PTPRD: variants seen among roughly 807,000 people sequenced by gnomAD.
The protein encoded by PTPRD is protein tyrosine phosphatase receptor type D.
PTPRD carries 34 observed loss-of-function variants against 214.5 expected under a neutral mutation model. The ratio of observed to expected loss-of-function variants is 0.16; its 90% CI spans 0.12 to 0.21. The LOEUF is 0.21. Ranked by LOEUF, PTPRD falls within the 10% of genes least tolerant of loss-of-function variation. The pLI is 1.00. For missense variants in PTPRD, 2,545 were observed against 2,398.7 expected, an observed-to-expected ratio of 1.06 and a Z score of -1.27; for synonymous variants, 1,128 against 845.7, an observed-to-expected ratio of 1.33 and a Z score of -5.79.
At chr9:9,034,778 A>G (rs548489564) in intron 10 of PTPRD, among the ~76,000 whole-genome samples, 1 of 152,194 alleles carries the variant, frequency 6.6e-6, no homozygotes, top group East Asian at 1.9e-4. Context: ...AATAACACCT[A>G]CCTCACAGGG....
intron 9 of PTPRD, among the ~76,000 whole-genome samples, chr9:9,199,545 G>A (rs1457525819): frequency 6.6e-6 from 1 of 152,012 alleles, no homozygotes; most frequent in Non-Finnish European, 1.5e-5. Context: ...TAAATGGTGA[G>A]AACTGATAAA....
chr9:9,819,758 T>C (rs954356053), intron 5 of PTPRD, among the ~76,000 whole-genome samples: 6 of 152,170 alleles, frequency 3.9e-5, no homozygotes, highest in Admixed American at 6.5e-5. Flanking sequence ...AGTGAGAACA[T>C]GTTCCTGCAC....
chr9:9,236,456 C>G (rs2099966797), intron 9 of PTPRD, among the ~76,000 whole-genome samples: 1 of 151,772 alleles, frequency 6.6e-6, no homozygotes, highest in Non-Finnish European at 1.5e-5. Context: ...CAAATCCACC[C>G]ATAAATTCTC....
At chr9:8,559,348 A>T (rs2085252106) in intron 14 of PTPRD, among the ~76,000 whole-genome samples, 1 of 152,196 alleles carries the variant, frequency 6.6e-6, no homozygotes, top group Non-Finnish European at 1.5e-5. Flanking sequence ...CAGATATCGA[A>T]ATATCACATA....
At chr9:10,483,780 T>C (rs1280606682) in intron 2 of PTPRD, among the ~76,000 whole-genome samples, 2 of 152,088 alleles carry the variant, frequency 1.3e-5, no homozygotes, top group African/African-American at 4.8e-5. Flanking sequence ...AAACAATAGA[T>C]GTTGGCACGG....
At chr9:10,184,917 T>C (rs1212261817) in intron 3 of PTPRD, among the ~76,000 whole-genome samples, 1 of 152,128 alleles carries the variant, frequency 6.6e-6, no homozygotes, top group African/African-American at 2.4e-5. Context: ...GCAGGAAGAC[T>C]TAAAGCACAT....
chr9:8,637,012 G>A (rs942891677), intron 12 of PTPRD, among the ~76,000 whole-genome samples, 168 bp from the exon 13 acceptor site: 3 of 152,106 alleles, frequency 2.0e-5, no homozygotes, highest in African/African-American at 7.2e-5. Flanking sequence ...ACTTTTGAGG[G>A]TAGTTTAAAG....
At chr9:10,557,019 T>C (rs1359666615) in intron 2 of PTPRD, among the ~76,000 whole-genome samples, 3 of 152,138 alleles carry the variant, frequency 2.0e-5, no homozygotes, top group Non-Finnish European at 2.9e-5. Flanking sequence ...TGTATGGTTA[T>C]ATTACTTATG....
intron 5 of PTPRD, among the ~76,000 whole-genome samples, chr9:9,783,214 A>G (rs2098874419): frequency 6.6e-6 from 1 of 152,168 alleles, no homozygotes; most frequent in Non-Finnish European, 1.5e-5. Context: ...GCTATCCTCA[A>G]ATGATTTTCC....
intron 2 of PTPRD, among the ~76,000 whole-genome samples, chr9:10,581,693 T>A (rs1487101675): frequency 6.6e-6 from 1 of 152,180 alleles, no homozygotes; most frequent in South Asian, 2.1e-4. Flanking sequence ...GCTGTGTTAA[T>A]TGGGTAAATC....
intron 14 of PTPRD, among the ~76,000 whole-genome samples, chr9:8,617,725 GTAGA>G (rs1473900376): frequency 6.6e-6 from 1 of 152,058 alleles, no homozygotes; most frequent in Non-Finnish European, 1.5e-5. Flanking sequence ...AAACTCTTGA[GTAGA>G]TAAACTTTCT....
At chr9:9,254,997 T>C (rs571401210) in intron 9 of PTPRD, among the ~76,000 whole-genome samples, 2 of 152,062 alleles carry the variant, frequency 1.3e-5, no homozygotes, top group East Asian at 3.9e-4. Context: ...TCTTTCATCA[T>C]TATGCTTCTA....
rs779854406 is a variant in PTPRD, at chr9:8,518,016, G to C, written c.1375C>G (p.Pro459Ala). 1 of 1,614,180 alleles carries C rather than the reference G, an allele frequency of 6.2e-7. No homozygotes were observed. The highest frequency in any genetic ancestry group is 1.1e-5 in the South Asian group (1 of 91,080). ...QGYRVYYTMD[P>A]TQHVNNWMKH... Reference sequence around the variant, plus strand: ...ATCCAGTTGTTGACATGTTGAGTGGGATCCATTGTATAATAAACTCTATAT... The same window carrying C: ...ATCCAGTTGTTGACATGTTGAGTGGCATCCATTGTATAATAAACTCTATAT... The change falls in exon 21 of 46, where the codon CCC (proline) becomes GCC (alanine). Residue 459 changes from proline to alanine, a missense_variant. Pro to Ala is a conservative substitution (Grantham distance 27, BLOSUM62 -1). Transcript: ENST00000381196.
chr9:9,587,787 T>A (rs986732434), intron 7 of PTPRD, among the ~76,000 whole-genome samples: 17 of 151,896 alleles, frequency 1.1e-4, no homozygotes, highest in African/African-American at 4.1e-4. Context: ...CTTACTCATA[T>A]GTGGGAGCTA....
At chr9:9,981,453 C>G (rs926977853) in intron 4 of PTPRD, among the ~76,000 whole-genome samples, 1 of 150,708 alleles carries the variant, frequency 6.6e-6, no homozygotes, top group African/African-American at 2.4e-5. Flanking sequence ...CTCCAGGGTT[C>G]AAGCCATTCT....
intron 8 of PTPRD, among the ~76,000 whole-genome samples, chr9:9,490,498 A>G (rs1316224938): frequency 6.6e-6 from 1 of 152,064 alleles, no homozygotes; most frequent in Non-Finnish European, 1.5e-5. Flanking sequence ...TGTTTACTAT[A>G]TAATTTAAGA....
chr9:8,412,981 C>A (rs765594800), intron 35 of PTPRD, among the ~76,000 whole-genome samples: 1 of 152,136 alleles, frequency 6.6e-6, no homozygotes, highest in African/African-American at 2.4e-5. Flanking sequence ...CTTGGTTTCA[C>A]AATTGTTGTG....
intron 7 of PTPRD, among the ~76,000 whole-genome samples, chr9:9,583,327 A>G (rs2091248679): frequency 6.6e-6 from 1 of 152,082 alleles, no homozygotes. Context: ...CTTAGGCATT[A>G]CTACTCAGAA....
intron 3 of PTPRD, among the ~76,000 whole-genome samples, chr9:10,166,243 G>GAAAGA (rs2099158227): frequency 1.3e-5 from 1 of 76,366 alleles, no homozygotes; most frequent in African/African-American, 4.7e-5. Context: ...CTGAAAAATT[G>GAAAGA]AAAAAAAAAA....
Sources: gnomAD v4.1 joint callset for allele counts (sites outside exome capture counted in the v4.1 genomes callset) on GRCh38, gnomAD v4.1.1 for gene constraint, MANE v1.5 for transcripts, NCBI Gene and HGNC (gene_info 2026-07-23, HGNC 2026-07-21) for gene names.